The following SLC2A12 variants were observed in gnomAD, a reference collection of about 807,000 sequenced individuals.
The protein encoded by SLC2A12 is solute carrier family 2 member 12.
Under a neutral mutation model 41.8 loss-of-function variants are expected in SLC2A12, and 23 were observed. The ratio of observed to expected loss-of-function variants is 0.55; its 90% confidence interval spans 0.40 to 0.78. The LOEUF is 0.78. Ranked by LOEUF, SLC2A12 falls within the 30% of genes least tolerant of loss-of-function variation. The probability of loss-of-function intolerance (pLI) is 0.00; values close to 1 mark genes in which losing one functional copy is unlikely to be tolerated. For synonymous variants in SLC2A12, 295 were observed against 285.9 expected (o/e 1.03, Z -0.32); for missense variants, 654 against 745.6 (o/e 0.88, Z 1.43).
intron 2 of SLC2A12, among the ~76,000 whole-genome samples, chr6:134,021,654 G>C (rs1418703960): frequency 6.6e-6 from 1 of 152,136 alleles, no homozygotes; most frequent in Non-Finnish European, 1.5e-5. Flanking sequence ...GCTCAGAGAA[G>C]AAAAATCACG....
chr6:134,036,145 A>T (rs572657050), intron 1 of SLC2A12, among the ~76,000 whole-genome samples: 1 of 152,200 alleles, frequency 6.6e-6, no homozygotes, highest in African/African-American at 2.4e-5. Context: ...GCCAGCTGAA[A>T]AGCATGCACA....
chr6:134,003,896 AG>A (rs1485912522), intron 3 of SLC2A12, among the ~76,000 whole-genome samples: 1 of 152,248 alleles, frequency 6.6e-6, no homozygotes, highest in African/African-American at 2.4e-5. Context: ...TTGGTGTTTA[AG>A]GGCTTACTGC....
rs767328463 is a variant in SLC2A12 at position 133,991,130 on chromosome 6, C to T, written c.*25G>A. ...ACCCTCCTAAGTGTTCTGGCACTAT[C>T]CACGTTCAGAAGGTGTTGAGGCCAT... On this transcript the variant is annotated 3_prime_UTR_variant, in exon 5 of 5. Coordinates refer to ENST00000275230, the MANE Select transcript of SLC2A12 (RefSeq NM_145176.3). 2 of 1,600,034 alleles carry T rather than the reference C, an allele frequency of 1.2e-6. No individual in the cohort carries two copies. The highest frequency in any genetic ancestry group is 1.7e-6 in the Non-Finnish European group (2 of 1,175,466).
chr6:134,043,050 G>A (rs759484805), intron 1 of SLC2A12, among the ~76,000 whole-genome samples: 1 of 152,206 alleles, frequency 6.6e-6, no homozygotes, highest in East Asian at 1.9e-4. Context: ...TGGTGGATTT[G>A]ACAAGAGAAT....
At chr6:134,032,731 A>G (rs543546410) in intron 1 of SLC2A12, among the ~76,000 whole-genome samples, 24 of 132,996 alleles carry the variant, frequency 1.8e-4, no homozygotes, top group African/African-American at 6.4e-4. Flanking sequence ...CTAGTCCTTA[A>G]TGCTTCTGAG....
Position 133,998,348 on chromosome 6 carries a change from G to GA in SLC2A12, c.1700+3648dup, listed in dbSNP as rs1334415712. On this transcript the variant is annotated intron_variant, in intron 4 of 4. Coordinates refer to ENST00000275230, the MANE Select transcript of SLC2A12 (RefSeq NM_145176.3). ...TTGATACAATCTGGCAACCCTATAT[G>GA]AAAAAAAGGATTTGAAAGTTCTTAA... is the stretch of plus-strand genomic sequence containing the variant. 5.3e-5 allele frequency among the ~76,000 whole-genome samples: 8 copies of GA among 152,110 alleles called. No individual in the cohort carries two copies. The East Asian group carries it at 1.4e-3, about 26-fold the overall frequency.
intron 1 of SLC2A12, among the ~76,000 whole-genome samples, chr6:134,044,256 A>T (rs1413634434): frequency 2.0e-5 from 3 of 152,062 alleles, no homozygotes; most frequent in African/African-American, 7.2e-5. Context: ...GCTCTCCACT[A>T]ATTGGCAGTA....
intron 1 of SLC2A12, among the ~76,000 whole-genome samples, chr6:134,043,198 G>C (rs1266160790): frequency 3.9e-5 from 6 of 152,108 alleles, no homozygotes; most frequent in Non-Finnish European, 8.8e-5. Flanking sequence ...GAATGGATTG[G>C]AGCAGGGATA....
Position 134,028,751 on chromosome 6 carries a change from C to T in SLC2A12, c.1074G>A (p.Leu358=), listed in dbSNP as rs200607316. 4 of 1,614,134 alleles carry T rather than the reference C, an allele frequency of 2.5e-6. No individual in the cohort carries two copies. The East Asian group carries it at 6.7e-5, about 27-fold the overall frequency. The stretch of plus-strand genomic sequence containing the variant: ...TGAGATTTACGATGCCCATGGTCAC[C>T]AACGAAGCTGCCATCACAGAGGAGC... ...CIGSSVMAAS[L]VTMGIVNLNI... Residue 358 remains leucine, a synonymous_variant, in exon 2 of 5, where the codon TTG becomes TTA. Coordinates refer to ENST00000275230, the MANE Select transcript of SLC2A12 (RefSeq NM_145176.3).
At chr6:134,049,377 T>C (rs1450879571) in intron 1 of SLC2A12, among the ~76,000 whole-genome samples, 2 of 152,176 alleles carry the variant, frequency 1.3e-5, no homozygotes, top group Non-Finnish European at 2.9e-5. Context: ...CCCCAGCCAA[T>C]TGTTTGGATC....
chr6:134,016,971 A>T (rs560817280), intron 2 of SLC2A12, among the ~76,000 whole-genome samples: 32 of 149,712 alleles, frequency 2.1e-4, no homozygotes, highest in African/African-American at 7.6e-4. Context: ...ACCATGAAGG[A>T]ATTTCCTCCA....
At chr6:134,000,866 G>A (rs1222110170) in intron 4 of SLC2A12, among the ~76,000 whole-genome samples, 1 of 152,104 alleles carries the variant, frequency 6.6e-6, no homozygotes, top group Middle Eastern at 3.2e-3. Flanking sequence ...TACCTTAAAT[G>A]TGCAATATTT....
chr6:134,048,504 G>T (rs1773612568), intron 1 of SLC2A12, among the ~76,000 whole-genome samples: 1 of 152,160 alleles, frequency 6.6e-6, no homozygotes, highest in Non-Finnish European at 1.5e-5. Flanking sequence ...GGGAGGCAGA[G>T]GTTGCAGTGA....
At chr6:134,037,177 A>G (rs1296987109) in intron 1 of SLC2A12, among the ~76,000 whole-genome samples, 1 of 132,626 alleles carries the variant, frequency 7.5e-6, no homozygotes, top group Non-Finnish European at 1.6e-5. Context: ...TTTTTTGAGA[A>G]GAAGTGTCAC....
In SLC2A12 at chr6:133,991,327, C is replaced by G; in HGVS notation, c.1701-19G>C. 3 of 1,606,296 alleles carry G rather than the reference C, an allele frequency of 1.9e-6. No individual in the cohort carries two copies. Among genetic ancestry groups the G allele is most frequent in the Non-Finnish European group, 2.5e-6 (3 of 1,177,540 alleles). ...ATAGTTCCTGAAAGAGAAAGAGGCA[C>G]TAATGAAAATGTCATTCTTAGTTTA... is the stretch of plus-strand genomic sequence containing the variant. On this transcript the variant is annotated intron_variant, in intron 4 of 4. Coordinates refer to ENST00000275230, the MANE Select transcript of SLC2A12 (RefSeq NM_145176.3).
intron 1 of SLC2A12, among the ~76,000 whole-genome samples, chr6:134,041,641 T>G (rs1177776176): frequency 6.6e-6 from 1 of 152,144 alleles, no homozygotes; most frequent in Non-Finnish European, 1.5e-5. Context: ...TTGGTGAAGG[T>G]TCCATCTCTG....
intron 1 of SLC2A12, among the ~76,000 whole-genome samples, chr6:134,044,291 T>C (rs1562205530): frequency 6.6e-6 from 1 of 152,226 alleles, no homozygotes; most frequent in Non-Finnish European, 1.5e-5. Context: ...GAGGATGCCT[T>C]TCGTTTCTCA....
rs149792252 is a variant in SLC2A12 at position 134,029,790 on chromosome 6, G to A, written c.104-69C>T. The A allele has an allele frequency of 4.3e-4, 649 of 1,510,554 alleles. 1 individual carries two copies. In the African/African-American group the frequency reaches 6.2e-3, roughly 14 times the overall value. The allele number at this position is 1,510,554 out of a possible 1,614,324, so 93.6% of individuals were successfully genotyped here. A position where few individuals can be genotyped will look rare whatever the true frequency, so the allele number is the denominator to read the frequency against. On this transcript the variant is annotated intron_variant, in intron 1 of 4. Coordinates refer to ENST00000275230, the MANE Select transcript of SLC2A12 (RefSeq NM_145176.3). Reference sequence around the variant, plus strand: ...GATTTTAAACATTTTGTATTTGAGCGGAGATTTAACCTTGTAGAAGTCTTT... The same window carrying A: ...GATTTTAAACATTTTGTATTTGAGCAGAGATTTAACCTTGTAGAAGTCTTT...
intron 1 of SLC2A12, among the ~76,000 whole-genome samples, chr6:134,034,122 T>C (rs1223800267): frequency 2.0e-5 from 3 of 152,184 alleles, no homozygotes; most frequent in Non-Finnish European, 4.4e-5. Flanking sequence ...CCTTTTACAA[T>C]TTTCTATATG....
Sources: allele counts gnomAD v4.1 joint callset (sites outside exome capture counted in the v4.1 genomes callset), GRCh38; gene constraint gnomAD v4.1.1; transcripts MANE v1.5; gene names NCBI Gene and HGNC (gene_info 2026-07-23, HGNC 2026-07-21).